The following ANO6 variants were observed in gnomAD, a reference collection of about 807,000 sequenced individuals.
ANO6 encodes the protein anoctamin 6.
ANO6 carries 106 observed loss-of-function variants against 117.5 expected under a neutral mutation model. The ratio of observed to expected loss-of-function variants is 0.90; its 90% confidence interval spans 0.77 to 1.06. The LOEUF (loss-of-function observed/expected upper bound fraction) is 1.06, where lower values mean the gene tolerates loss of function less well. ANO6 is among the 50% of genes least tolerant of loss of function. The pLI is 0.00. For missense variants in ANO6, 955 were observed against 1,121.1 expected, an observed-to-expected ratio of 0.85 and a Z score of 2.12; for synonymous variants, 367 against 385.1, an observed-to-expected ratio of 0.95 and a Z score of 0.55.
intron 2 of ANO6, among the ~76,000 whole-genome samples, chr12:45,326,806 C>T (rs1052266174): frequency 1.3e-5 from 2 of 152,180 alleles, no homozygotes; most frequent in Non-Finnish European, 2.9e-5. Flanking sequence ...CAAATGGATA[C>T]CAGGGTTCAC....
chr12:45,421,411 T>G, intron 18 of ANO6, 138 bp downstream of exon 18: 1 of 911,288 alleles, frequency 1.1e-6, no homozygotes, highest in Non-Finnish European at 1.7e-6. Context: ...TTGGTGTCAT[T>G]TAAATCAAGC....
intron 2 of ANO6, among the ~76,000 whole-genome samples, chr12:45,325,903 C>T (rs1940444727): frequency 6.6e-6 from 1 of 152,076 alleles, no homozygotes; most frequent in African/African-American, 2.4e-5. Flanking sequence ...CATCTTCCAC[C>T]CTTGTTAATT....
chr12:45,257,347 C>T (rs958793900), intron 1 of ANO6, among the ~76,000 whole-genome samples: 7 of 152,166 alleles, frequency 4.6e-5, no homozygotes, highest in Non-Finnish European at 8.8e-5. Flanking sequence ...ATTGTTAACC[C>T]CAGTCTGCCC....
At chr12:45,420,910 A>G (rs934752583) in intron 17 of ANO6, among the ~76,000 whole-genome samples, 161 bp from the exon 18 acceptor site, 1 of 152,220 alleles carries the variant, frequency 6.6e-6, no homozygotes, top group Non-Finnish European at 1.5e-5. Context: ...CTGTAATCCC[A>G]GCTACTCAGG....
chr12:45,413,601 A>C (rs975064050), intron 16 of ANO6, among the ~76,000 whole-genome samples: 3 of 152,214 alleles, frequency 2.0e-5, no homozygotes, highest in African/African-American at 7.2e-5. Flanking sequence ...GGGTAAAGGG[A>C]CATTTGAAGA....
chr12:45,249,289 A>G (rs532000883), intron 1 of ANO6, among the ~76,000 whole-genome samples: 5 of 152,328 alleles, frequency 3.3e-5, no homozygotes, highest in Admixed American at 6.5e-5. Context: ...TACACAGGAA[A>G]TTTACCTAAT....
intron 8 of ANO6, among the ~76,000 whole-genome samples, chr12:45,360,220 A>G (rs1941519890): frequency 6.6e-6 from 1 of 152,224 alleles, no homozygotes. Context: ...AGACCAGGTA[A>G]TTTGTAAAGA....
chr12:45,284,215 G>A (rs1336121657), intron 1 of ANO6, among the ~76,000 whole-genome samples: 1 of 152,236 alleles, frequency 6.6e-6, no homozygotes, highest in Non-Finnish European at 1.5e-5. Context: ...TGTGTGTCCA[G>A]ACGCTTCTTG....
intron 1 of ANO6, among the ~76,000 whole-genome samples, chr12:45,289,903 A>G (rs1939040116): frequency 6.6e-6 from 1 of 152,218 alleles, no homozygotes; most frequent in Admixed American, 6.5e-5. Flanking sequence ...TTACAGGCTC[A>G]CAATTCCTTA....
At chr12:45,347,844 G>C (rs1423511618) in intron 4 of ANO6, among the ~76,000 whole-genome samples, 184 bp from the exon 5 acceptor site, 2 of 152,074 alleles carry the variant, frequency 1.3e-5, no homozygotes, top group Non-Finnish European at 2.9e-5. Context: ...TTCAAACCAA[G>C]AAATCGTCTT....
At chr12:45,304,487 A>T (rs562986362) in intron 2 of ANO6, among the ~76,000 whole-genome samples, 7 of 152,252 alleles carry the variant, frequency 4.6e-5, no homozygotes, top group Non-Finnish European at 1.0e-4. Context: ...GGAGGTGAAA[A>T]ATCAATATTC....
At chr12:45,305,537 C>T (rs1939640754) in intron 2 of ANO6, among the ~76,000 whole-genome samples, 1 of 152,104 alleles carries the variant, frequency 6.6e-6, no homozygotes, top group Non-Finnish European at 1.5e-5. Flanking sequence ...GCCAGATGTT[C>T]TGGAACTATG....
At chr12:45,299,072 A>AT (rs1021049434) in intron 1 of ANO6, among the ~76,000 whole-genome samples, 13 of 152,130 alleles carry the variant, frequency 8.5e-5, no homozygotes, top group African/African-American at 1.7e-4. Context: ...CATAGATATA[A>AT]TTTTTTTAAC....
At chr12:45,359,600 T>C (rs1392566740) in intron 8 of ANO6, among the ~76,000 whole-genome samples, 1 of 151,806 alleles carries the variant, frequency 6.6e-6, no homozygotes, top group East Asian at 1.9e-4. Flanking sequence ...TCAAGGTTCA[T>C]CCATGTTGTA....
At chr12:45,421,844 G>A (rs1943374232) in intron 18 of ANO6, among the ~76,000 whole-genome samples, 1 of 152,120 alleles carries the variant, frequency 6.6e-6, no homozygotes, top group Admixed American at 6.5e-5. Flanking sequence ...GTTCAACAGT[G>A]GACAGTATGT....
At chr12:45,358,002 C>T (rs1941458051) in intron 8 of ANO6, among the ~76,000 whole-genome samples, 2 of 152,206 alleles carry the variant, frequency 1.3e-5, no homozygotes, top group Admixed American at 6.5e-5. Flanking sequence ...GCTGCACTCT[C>T]TAAAGGGACA....
intron 1 of ANO6, among the ~76,000 whole-genome samples, chr12:45,244,848 A>C (rs971240038): frequency 6.6e-6 from 1 of 152,162 alleles, no homozygotes; most frequent in Non-Finnish European, 1.5e-5. Context: ...ACATTTCTTG[A>C]CTTTTGACTT....
chr12:45,427,864 G>A (rs1393058757), intron 19 of ANO6, among the ~76,000 whole-genome samples: 16 of 150,090 alleles, frequency 1.1e-4, no homozygotes, highest in African/African-American at 4.0e-4. Flanking sequence ...GCTTGAACCC[G>A]GAAGATGGAG....
At chr12:45,240,246 C>T (rs1230656772) in intron 1 of ANO6, among the ~76,000 whole-genome samples, 1 of 148,312 alleles carries the variant, frequency 6.7e-6, no homozygotes, top group Non-Finnish European at 1.5e-5. Flanking sequence ...GTTAGTTCTT[C>T]TTGTTGAATT....
Sources: allele counts gnomAD v4.1 joint callset (sites outside exome capture counted in the v4.1 genomes callset), GRCh38; gene constraint gnomAD v4.1.1; transcripts MANE v1.5; gene names NCBI Gene and HGNC (gene_info 2026-07-23, HGNC 2026-07-21).